Variants in ABHD5 observed in about 807,000 individuals in gnomAD.
ABHD5 encodes the protein abhydrolase domain containing 5, lysophosphatidic acid acyltransferase.
ABHD5 carries 30 observed loss-of-function variants against 44.9 expected under a neutral mutation model. The observed-to-expected ratio is 0.67, with a 90% CI of 0.50 to 0.91. The LOEUF (loss-of-function observed/expected upper bound fraction) is 0.91. ABHD5 is among the 40% of genes least tolerant of loss of function. The probability of loss-of-function intolerance (pLI) is 0.00; values close to 1 mark genes in which losing one functional copy is unlikely to be tolerated. For synonymous variants in ABHD5, 167 were observed against 147.0 expected (o/e 1.14, Z -0.99); for missense variants, 399 against 423.4 (o/e 0.94, Z 0.50).
chr3:43,730,820 G>GT (rs372667651), intron 7 of ABHD5, among the ~76,000 whole-genome samples: 131 of 141,522 alleles, frequency 9.3e-4, no homozygotes, highest in African/African-American at 3.2e-3. Flanking sequence ...CCATTTGTTT[G>GT]TTTTTTTGTT....
chr3:43,694,614 T>C lies in ABHD5; in HGVS notation c.47+3575T>C, dbSNP rs1453006345. 2.6e-5 allele frequency among the ~76,000 whole-genome samples: 4 copies of C among 152,112 alleles called. No individual in the cohort carries two copies. In the East Asian group the frequency reaches 7.7e-4, roughly 29 times the overall value. ...ACTCTAAAATGGTTTGTTTACTGTG[T>C]GAAGGAAGGTAGGAAACAATGGGGA... On this transcript the variant is annotated intron_variant, in intron 1 of 6. Coordinates refer to ENST00000644371, the MANE Select transcript of ABHD5 (RefSeq NM_016006.6).
intron 7 of ABHD5, among the ~76,000 whole-genome samples, chr3:43,729,936 A>G (rs753369870): frequency 5.3e-5 from 8 of 152,172 alleles, no homozygotes; most frequent in Admixed American, 6.5e-5. Flanking sequence ...CAAAGTAAAC[A>G]TATTGTATTG....
chr3:43,699,405 T>C lies in ABHD5; in HGVS notation c.133+44T>C, dbSNP rs1397666360. Reference sequence around the variant, plus strand: ...AAGTTAAATGAGCTGTGTACTAAGATAGGTCCAATATATCTCATTGCCCTG... The same window carrying C: ...AAGTTAAATGAGCTGTGTACTAAGACAGGTCCAATATATCTCATTGCCCTG... On this transcript the variant is annotated intron_variant, in intron 2 of 6. Coordinates refer to ENST00000644371, the MANE Select transcript of ABHD5 (RefSeq NM_016006.6). 6.0e-6 allele frequency: 9 copies of C among 1,512,272 alleles called. No homozygotes were observed. In the South Asian group the frequency reaches 1.0e-4, roughly 17 times the overall value. The allele number at this position is 1,512,272 out of a possible 1,614,324, so 93.7% of individuals were successfully genotyped here.
At chr3:43,714,438 C>G (rs1483204119) in intron 4 of ABHD5, among the ~76,000 whole-genome samples, 1 of 152,068 alleles carries the variant, frequency 6.6e-6, no homozygotes, top group Non-Finnish European at 1.5e-5. Context: ...TGGGTGTCCT[C>G]GGCTTTTTCT....
intron 3 of ABHD5, among the ~76,000 whole-genome samples, chr3:43,704,034 T>A (rs1180664380): frequency 1.9e-4 from 3 of 15,664 alleles, no homozygotes; most frequent in African/African-American, 8.3e-4. Context: ...CTTTATTTTC[T>A]TTTTTTTTTT....
At chr3:43,730,173 A>G (rs1260890911) in intron 7 of ABHD5, among the ~76,000 whole-genome samples, 1 of 152,246 alleles carries the variant, frequency 6.6e-6, no homozygotes, top group African/African-American at 2.4e-5. Flanking sequence ...CAGAGGAGGA[A>G]CCGAAGGCTC....
Position 43,702,310 on chromosome 3 carries a change from C to T in ABHD5, c.229C>T (p.Pro77Ser). ...KFSHNISNKT[P>S]LVLLHGFGGG... ...CTCTCATAATATTTCAAATAAGACT[C>T]CACTTGTCCTTCTCCATGGTTTTGG... The change falls in exon 3 of 7, where the codon CCA becomes TCA. Residue 77 changes from proline (P) to serine (S), a missense_variant. Physicochemically the swap from Pro to Ser is moderately conservative, Grantham distance 74 (BLOSUM62 -1). Transcript: ENST00000644371. 2.5e-6 allele frequency: 4 copies of T among 1,610,434 alleles called. No individual in the cohort carries two copies. Among genetic ancestry groups the T allele is most frequent in the African/African-American group, 2.7e-5 (2 of 74,924 alleles).
chr3:43,728,602 GT>G (rs1440706129), intron 7 of ABHD5, among the ~76,000 whole-genome samples: 1 of 152,192 alleles, frequency 6.6e-6, no homozygotes, highest in Non-Finnish European at 1.5e-5. Flanking sequence ...GACTGATGAA[GT>G]GGGACCTGGA....
intron 1 of ABHD5, 87 bp downstream of exon 1, chr3:43,691,126 G>T (rs372142426): frequency 1.5e-5 from 19 of 1,305,884 alleles, no homozygotes; most frequent in East Asian, 8.8e-5. Flanking sequence ...CAGCACCAAG[G>T]AGTCGCCGCC....
chr3:43,704,335 G>A lies in ABHD5; in HGVS notation c.506+1748G>A, dbSNP rs2109406. 4.6e-5 allele frequency among the ~76,000 whole-genome samples: 7 copies of A among 152,204 alleles called. No individual in the cohort carries two copies. The South Asian group carries it at 1.2e-3, about 27-fold the overall frequency. On this transcript the variant is annotated intron_variant, in intron 3 of 6. Coordinates refer to ENST00000644371, the MANE Select transcript of ABHD5 (RefSeq NM_016006.6). The stretch of plus-strand genomic sequence containing the variant: ...ATTACAGGCATGAGCCACCGCACCC[G>A]CTGGTGTTACTTTCTTTTATTGTGT...
downstream of ABHD5, among the ~76,000 whole-genome samples, chr3:43,722,906 T>C (rs2084852816): frequency 6.6e-6 from 1 of 152,194 alleles, no homozygotes; most frequent in Admixed American, 6.5e-5. Flanking sequence ...AAAATACGTA[T>C]TGCATAGCTT....
At chr3:43,702,609 G>A (rs911219163) in intron 3 of ABHD5, 22 bp downstream of exon 3, 1 of 1,614,114 alleles carries the variant, frequency 6.2e-7, no homozygotes, top group African/African-American at 1.3e-5. Context: ...TGACAGAAGA[G>A]AGGGATTATA....
intron 3 of ABHD5, among the ~76,000 whole-genome samples, chr3:43,706,662 C>T (rs1393014120): frequency 1.3e-5 from 2 of 151,772 alleles, no homozygotes; most frequent in African/African-American, 4.8e-5. Flanking sequence ...CTTTGTTGCC[C>T]AGGCCAATGT....
In ABHD5 at chr3:43,699,270, C is replaced by G. The variant is rs1490341068; in HGVS notation, c.48-6C>G. The G allele has an allele frequency of 2.5e-6, 4 of 1,613,092 alleles. No individual in the cohort carries two copies. In the East Asian group the frequency reaches 6.7e-5, roughly 27 times the overall value. ...CCTATTTGTTATTTTGTTTTTGGTG[C>G]TCTAGGTCAGGATGGCTAACTGGTT... On this transcript the variant is annotated splice_polypyrimidine_tract_variant and splice_region_variant and intron_variant, in intron 1 of 6. Transcript: ENST00000644371.
chr3:43,699,480 T>C lies in ABHD5; in HGVS notation c.133+119T>C, dbSNP rs187782373. 157 of 957,646 alleles carry C rather than the reference T, an allele frequency of 1.6e-4. No homozygotes were observed. The African/African-American group carries it at 2.0e-3, about 12-fold the overall frequency. The allele number at this position is 957,646 out of a possible 1,614,324, so 59.3% of individuals were successfully genotyped here. A position where few individuals can be genotyped will look rare whatever the true frequency, so the allele number is the denominator to read the frequency against. On this transcript the variant is annotated intron_variant, in intron 2 of 6. Coordinates refer to ENST00000644371, the MANE Select transcript of ABHD5 (RefSeq NM_016006.6). ...GTGTTCATTGTTGGCAAAATAACTTTTTTCCTTTTCCTTGTCATTAGAAAG... is the reference window on the plus strand; with the variant it reads ...GTGTTCATTGTTGGCAAAATAACTTCTTTCCTTTTCCTTGTCATTAGAAAG...
At chr3:43,697,655 A>C (rs1028010909) in intron 1 of ABHD5, among the ~76,000 whole-genome samples, 2 of 152,188 alleles carry the variant, frequency 1.3e-5, no homozygotes, top group African/African-American at 4.8e-5. Context: ...TAATCATATG[A>C]AATTTTGAGA....
chr3:43,701,096 C>T (rs1367256378), intron 2 of ABHD5, among the ~76,000 whole-genome samples: 2 of 152,202 alleles, frequency 1.3e-5, no homozygotes, highest in South Asian at 2.1e-4. Flanking sequence ...GAATTGGTCT[C>T]TGCTTTAGTG....
At chr3:43,697,687 T>C (rs1401687044) in intron 1 of ABHD5, among the ~76,000 whole-genome samples, 1 of 152,150 alleles carries the variant, frequency 6.6e-6, no homozygotes, top group African/African-American at 2.4e-5. Flanking sequence ...CTGGAAAAAG[T>C]ACAATATATG....
At chr3:43,713,188 C>T (rs2084710167) in intron 4 of ABHD5, among the ~76,000 whole-genome samples, 1 of 151,740 alleles carries the variant, frequency 6.6e-6, no homozygotes, top group Admixed American at 6.6e-5. Context: ...CATAGTGGCA[C>T]ACACCTGTAA....
Sources: allele counts gnomAD v4.1 joint callset (sites outside exome capture counted in the v4.1 genomes callset), GRCh38; gene constraint gnomAD v4.1.1; transcripts MANE v1.5; gene names NCBI Gene and HGNC (gene_info 2026-07-23, HGNC 2026-07-21).